Variants in HRH2 observed in about 807,000 individuals in gnomAD.
The protein encoded by HRH2 is histamine receptor H2.
HRH2 carries 4 observed loss-of-function variants against 20.1 expected under a neutral mutation model. The observed-to-expected ratio is 0.20, with a 90% CI of 0.10 to 0.45. The LOEUF is 0.45. HRH2 is among the 20% of genes least tolerant of loss of function. The pLI is 0.99. For synonymous variants in HRH2, 197 were observed against 200.7 expected, an observed-to-expected ratio of 0.98 and a Z score of 0.16; for missense variants, 250 against 461.6, an observed-to-expected ratio of 0.54 and a Z score of 4.20.
intron 1 of HRH2, among the ~76,000 whole-genome samples, chr5:175,680,112 C>T (rs1235216023): frequency 6.6e-6 from 1 of 152,244 alleles, no homozygotes; most frequent in Non-Finnish European, 1.5e-5. Flanking sequence ...ATTAAACCTT[C>T]TTCCCCCTGC....
chr5:175,699,723 A>G (rs1454901050), intron 2 of HRH2, among the ~76,000 whole-genome samples: 9 of 151,856 alleles, frequency 5.9e-5, no homozygotes, highest in African/African-American at 2.2e-4. Flanking sequence ...ACAGGCGCCC[A>G]CCACCACGCC....
chr5:175,697,445 A>AGAGT (rs1234944427), intron 2 of HRH2, among the ~76,000 whole-genome samples: 1 of 146,400 alleles, frequency 6.8e-6, no homozygotes, highest in Non-Finnish European at 1.5e-5. Context: ...CTTGGGCGAA[A>AGAGT]GAGTGAGACT....
chr5:175,694,442 T>G, intron 2 of HRH2, among the ~76,000 whole-genome samples: 1 of 152,120 alleles, frequency 6.6e-6, no homozygotes, highest in Non-Finnish European at 1.5e-5. Context: ...TGCGTGGACA[T>G]AGTCGGCCGG....
At position 175,683,973 on chromosome 5, in the gene HRH2, G is replaced by A; in HGVS notation, c.740G>A (p.Trp247Ter). The A allele has an allele frequency of 6.2e-7, 1 of 1,614,134 alleles. No homozygotes were observed. Residue 247 changes from tryptophan (W) to a stop codon, truncating the protein, a stop_gained, in exon 2 of 3, where the codon TGG (tryptophan) becomes TAG (stop). Coordinates refer to ENST00000636584, the MANE Select transcript of HRH2 (RefSeq NM_001367711.1). LOFTEE classifies it high-confidence loss of function. ...AAVMGAFIIC[W>*]FPYFTAFVYR... is the part of the protein sequence containing the mutation. The stretch of plus-strand genomic sequence containing the variant: ...GTCATGGGGGCCTTCATCATCTGCT[G>A]GTTTCCCTACTTCACCGCGTTTGTG...
intron 1 of HRH2, among the ~76,000 whole-genome samples, chr5:175,676,580 GT>G (rs1755769406): frequency 6.6e-6 from 1 of 152,232 alleles, no homozygotes; most frequent in Non-Finnish European, 1.5e-5. Flanking sequence ...GCCGTCAGCA[GT>G]TTTTTCCAGG....
intron 1 of HRH2, among the ~76,000 whole-genome samples, chr5:175,668,625 C>T (rs577261536): frequency 1.4e-4 from 22 of 152,278 alleles, no homozygotes; most frequent in Non-Finnish European, 2.2e-4. Flanking sequence ...GGATGCCTTT[C>T]TTCATCAGGT....
At chr5:175,684,940 C>T (rs182124013) in intron 2 of HRH2, among the ~76,000 whole-genome samples, 1 of 152,104 alleles carries the variant, frequency 6.6e-6, no homozygotes, top group African/African-American at 2.4e-5. Context: ...GAAAGGGTAA[C>T]TTAAGCAGAT....
In HRH2 at chr5:175,693,607, T is replaced by G. The variant is rs1327665938; in HGVS notation, c.1076+9298T>G. Among the ~76,000 whole-genome samples the G allele has an allele frequency of 6.6e-6, 1 of 152,180 alleles. No homozygotes were observed. On this transcript the variant is annotated intron_variant, in intron 2 of 2. Transcript: ENST00000636584. The surrounding 1 kb of genome is among the most constrained non-coding windows in gnomAD (Gnocchi z 4.4). ...AGGAACTTCTCCTTCTCATGCTGAATCTGGAGACGTAGAGTTTTAAAACTT... is the reference window on the plus strand; with the variant it reads ...AGGAACTTCTCCTTCTCATGCTGAAGCTGGAGACGTAGAGTTTTAAAACTT...
Position 175,687,512 on chromosome 5 carries a change from C to G in HRH2, c.1076+3203C>G, listed in dbSNP as rs1431750591. 1.3e-5 allele frequency among the ~76,000 whole-genome samples: 2 copies of G among 152,268 alleles called. No individual in the cohort carries two copies. The highest frequency in any genetic ancestry group is 3.9e-4 in the East Asian group (2 of 5,166). ...CTGGCTGGTCCTCCCTTCCCTGTGG[C>G]CAACCAGCAGCCACCCCACAATGTT... On this transcript the variant is annotated intron_variant, in intron 2 of 2. Transcript: ENST00000636584. This position sits in a 1 kb window ranked among gnomAD's most constrained non-coding sequence, Gnocchi z 5.2.
At position 175,682,978 on chromosome 5, in the gene HRH2, C is replaced by G; in HGVS notation, c.-256C>G. On this transcript the variant is annotated 5_prime_UTR_variant, in exon 2 of 3. Transcript: ENST00000636584. The stretch of plus-strand genomic sequence containing the variant: ...CCATGAACCTGGCTTCGAGGCCTTG[C>G]TTTTCTCTCTTCTTCATTCATATTC... 2.2e-6 allele frequency: 1 copy of G among 445,504 alleles called. No homozygotes were observed. The allele number at this position is 445,504 out of a possible 1,614,324, so 27.6% of individuals were successfully genotyped here.
At chr5:175,699,875 G>A (rs1219636229) in intron 2 of HRH2, among the ~76,000 whole-genome samples, 1 of 152,138 alleles carries the variant, frequency 6.6e-6, no homozygotes, top group Non-Finnish European at 1.5e-5. Flanking sequence ...CAGCTTTTAG[G>A]GACCCTCAGG....
At chr5:175,660,155 G>T (rs1331478219) in intron 1 of HRH2, among the ~76,000 whole-genome samples, 2 of 152,176 alleles carry the variant, frequency 1.3e-5, no homozygotes, top group South Asian at 2.1e-4. Flanking sequence ...AAGGGAAACA[G>T]GATTAAGTTC....
intron 1 of HRH2, among the ~76,000 whole-genome samples, chr5:175,669,959 C>T (rs1581414262): frequency 6.6e-6 from 1 of 152,190 alleles, no homozygotes; most frequent in South Asian, 2.1e-4. Context: ...CTTGATGCTG[C>T]TTTTCCAAGG....
At chr5:175,700,406 G>A (rs1001162134) in intron 2 of HRH2, among the ~76,000 whole-genome samples, 1 of 152,204 alleles carries the variant, frequency 6.6e-6, no homozygotes, top group African/African-American at 2.4e-5. Flanking sequence ...CAAGGTAGAT[G>A]ATGAAAGATC....
At chr5:175,706,858 C>T (rs763677102) in intron 2 of HRH2, among the ~76,000 whole-genome samples, 2 of 152,230 alleles carry the variant, frequency 1.3e-5, no homozygotes, top group African/African-American at 2.4e-5. Context: ...AAAGGCATGA[C>T]GGTTCCCTTC....
In HRH2 at chr5:175,710,332, G is replaced by T. The variant is rs1325858114; in HGVS notation, c.*2361G>T. On this transcript the variant is annotated 3_prime_UTR_variant, in exon 3 of 3. Transcript: ENST00000636584. ...AGAGTGGCCAAAACAGATGCTTTCA[G>T]CAGTGTATCTGCCAATAAACCTAAA... 1 of 152,332 alleles carries T rather than the reference G, an allele frequency of 6.6e-6. No individual in the cohort carries two copies. The highest frequency in any genetic ancestry group is 1.5e-5 in the Non-Finnish European group (1 of 68,106). 9.4% of individuals were successfully genotyped at this position (152,332 alleles called of 1,614,324 possible).
intron 2 of HRH2, chr5:175,685,293 G>A (rs1012739495): frequency 3.2e-6 from 3 of 931,066 alleles, no homozygotes; most frequent in African/African-American, 1.7e-5. Flanking sequence ...TGTGAGGAGA[G>A]ACAGCTTACT....
At chr5:175,703,391 G>A (rs1756851382) in intron 2 of HRH2, among the ~76,000 whole-genome samples, 1 of 152,126 alleles carries the variant, frequency 6.6e-6, no homozygotes, top group South Asian at 2.1e-4. Flanking sequence ...TGAAAATACT[G>A]CACATCAAAG....
intron 1 of HRH2, among the ~76,000 whole-genome samples, chr5:175,668,494 C>G (rs1309450222): frequency 6.6e-6 from 1 of 152,136 alleles, no homozygotes; most frequent in Non-Finnish European, 1.5e-5. Context: ...CATTGTGAGG[C>G]TGGGTTATTA....
Sources: gnomAD v4.1 joint callset for allele counts (sites outside exome capture counted in the v4.1 genomes callset) on GRCh38, gnomAD v4.1.1 for gene constraint, Gnocchi (gnomAD v3.1) non-coding constraint, MANE v1.5 for transcripts, NCBI Gene and HGNC (gene_info 2026-07-23, HGNC 2026-07-21) for gene names.